Variants in KIF26B observed in about 807,000 individuals in gnomAD.
KIF26B encodes kinesin-like protein KIF26B.
KIF26B carries 63 observed loss-of-function variants against 151.2 expected under a neutral mutation model. The ratio of observed to expected loss-of-function variants is 0.42; its 90% CI spans 0.34 to 0.51. The LOEUF is 0.51. Among genes scored for constraint, KIF26B ranks in the 20% least tolerant of loss-of-function variants. The pLI, the probability that KIF26B is intolerant of heterozygous loss-of-function variation, is 0.07. For synonymous variants in KIF26B, 1,357 were observed against 1,262.1 expected (o/e 1.08, Z -1.59); for missense variants, 2,813 against 2,913.6 (o/e 0.97, Z 0.79).
chr1:245,524,816 A>C (rs928410541), intron 4 of KIF26B, among the ~76,000 whole-genome samples: 3 of 151,746 alleles, frequency 2.0e-5, no homozygotes, highest in Non-Finnish European at 4.4e-5. Flanking sequence ...TACTTCTTCC[A>C]CCCCTATTTA....
At chr1:245,548,465 T>C (rs1661801495) in intron 5 of KIF26B, among the ~76,000 whole-genome samples, 1 of 151,670 alleles carries the variant, frequency 6.6e-6, no homozygotes, top group Admixed American at 6.6e-5. Flanking sequence ...TGTCCCAGGG[T>C]TTTACATCAG....
At chr1:245,359,445 T>C (rs954446359) in intron 2 of KIF26B, among the ~76,000 whole-genome samples, 3 of 152,192 alleles carry the variant, frequency 2.0e-5, no homozygotes, top group Non-Finnish European at 2.9e-5. Flanking sequence ...TTAGTCACTC[T>C]TGTGGGAGAA....
intron 3 of KIF26B, among the ~76,000 whole-genome samples, chr1:245,386,483 G>A (rs145635182): frequency 1.8e-4 from 27 of 152,246 alleles, no homozygotes; most frequent in Admixed American, 6.5e-4. Flanking sequence ...TGGGGTCAGG[G>A]CTGGAGGGCT....
At chr1:245,432,791 T>G (rs1658812678) in intron 4 of KIF26B, among the ~76,000 whole-genome samples, 1 of 152,188 alleles carries the variant, frequency 6.6e-6, no homozygotes, top group African/African-American at 2.4e-5. Flanking sequence ...GTCTATCAGC[T>G]GTATAAGAAA....
chr1:245,295,736 T>C lies in KIF26B; in HGVS notation c.466-71098T>C, dbSNP rs117601600. 2.4e-3 allele frequency among the ~76,000 whole-genome samples: 372 copies of C among 152,344 alleles called. 5 individuals carry two copies. The East Asian group carries it at 0.048, about 20-fold the overall frequency. ...AATATTACTTTTCATGGACTAGAACTAATTGGAAGTAAGATATCCTGTAAG... is the reference window on the plus strand; with the variant it reads ...AATATTACTTTTCATGGACTAGAACCAATTGGAAGTAAGATATCCTGTAAG... On this transcript the variant is annotated intron_variant, in intron 2 of 14. Coordinates refer to ENST00000407071, the MANE Select transcript of KIF26B (RefSeq NM_018012.4).
In KIF26B at chr1:245,155,070, G is replaced by A. The variant is rs1038548707; in HGVS notation, c.-355G>A. 1.3e-5 allele frequency: 6 copies of A among 472,626 alleles called. No individual in the cohort carries two copies. The highest frequency in any genetic ancestry group is 5.1e-4 in the Middle Eastern group (1 of 1,946). 29.3% of individuals were successfully genotyped at this position (472,626 alleles called of 1,614,324 possible). ...CTTCCCGGCAGCGGCCGCGAGCCCT[G>A]ATTGTATCCCTCGCTTTCCTCGTGG... is the stretch of plus-strand genomic sequence containing the variant. On this transcript the variant is annotated 5_prime_UTR_variant, in exon 1 of 15. Coordinates refer to ENST00000407071, the MANE Select transcript of KIF26B (RefSeq NM_018012.4).
intron 2 of KIF26B, among the ~76,000 whole-genome samples, chr1:245,331,529 A>G (rs1284634467): frequency 6.6e-6 from 1 of 152,120 alleles, no homozygotes; most frequent in African/African-American, 2.4e-5. Context: ...CCTGTGGTGG[A>G]CACCTTTGTG....
intron 4 of KIF26B, among the ~76,000 whole-genome samples, chr1:245,433,666 AATC>A (rs1011303691): frequency 2.6e-5 from 4 of 152,204 alleles, no homozygotes; most frequent in African/African-American, 9.7e-5. Flanking sequence ...CATTTCTGAT[AATC>A]ATCTATCATT....
chr1:245,185,016 C>T (rs1668975926), intron 2 of KIF26B, among the ~76,000 whole-genome samples: 1 of 152,192 alleles, frequency 6.6e-6, no homozygotes, highest in Non-Finnish European at 1.5e-5. Flanking sequence ...CCTAGACATC[C>T]AAATCCATAG....
Position 245,407,820 on chromosome 1 carries a change from G to A in KIF26B, c.1000-11759G>A, listed in dbSNP as rs566986407. Among the ~76,000 whole-genome samples the A allele has an allele frequency of 3.3e-5, 5 of 152,240 alleles. No individual in the cohort carries two copies. In the South Asian group the frequency reaches 8.3e-4, roughly 25 times the overall value. Reference sequence around the variant, plus strand: ...AAGGAGAACAGACACAGTCCCTAAGGTCCTAAGGTTGACTATTTACTTGGG... The same window carrying A: ...AAGGAGAACAGACACAGTCCCTAAGATCCTAAGGTTGACTATTTACTTGGG... On this transcript the variant is annotated intron_variant, in intron 3 of 14. Transcript: ENST00000407071.
chr1:245,176,999 C>G (rs79843942), intron 2 of KIF26B, among the ~76,000 whole-genome samples: 4 of 152,028 alleles, frequency 2.6e-5, no homozygotes, highest in Non-Finnish European at 4.4e-5. Flanking sequence ...TCTGTCGCCT[C>G]GACTGGAGTG....
intron 4 of KIF26B, among the ~76,000 whole-genome samples, chr1:245,492,508 A>G (rs1199810595): frequency 6.6e-6 from 1 of 152,242 alleles, no homozygotes; most frequent in Non-Finnish European, 1.5e-5. Context: ...AAATTGGGCT[A>G]AAACAAAGCC....
intron 4 of KIF26B, among the ~76,000 whole-genome samples, chr1:245,425,865 GCA>G (rs1297420922): frequency 6.6e-6 from 1 of 152,186 alleles, no homozygotes; most frequent in African/African-American, 2.4e-5. Context: ...GCGTTGGTGA[GCA>G]CAGAGACTTC....
chr1:245,246,639 C>T (rs1271701722), intron 2 of KIF26B, among the ~76,000 whole-genome samples: 4 of 152,166 alleles, frequency 2.6e-5, no homozygotes, highest in African/African-American at 4.8e-5. Flanking sequence ...AAGACAGACA[C>T]CCACACACCC....
intron 4 of KIF26B, among the ~76,000 whole-genome samples, chr1:245,423,744 G>A (rs1768102): frequency 0.12 from 19,002 of 152,184 alleles, 1,529 homozygotes; most frequent in African/African-American, 0.22. Context: ...CTGGATAAAT[G>A]TTGGTGTTCA....
intron 2 of KIF26B, among the ~76,000 whole-genome samples, chr1:245,190,634 G>GT (rs149338802): frequency 0.24 from 24,951 of 106,098 alleles, 2,429 homozygotes; most frequent in Admixed American, 0.3. Flanking sequence ...TGAATGTTTT[G>GT]TTTTGTTTTT....
At chr1:245,175,343 CTAAGAATGGAGCTTCAATT>C (rs1452615747) in intron 2 of KIF26B, among the ~76,000 whole-genome samples, 1 of 151,976 alleles carries the variant, frequency 6.6e-6, no homozygotes, top group African/African-American at 2.4e-5. Context: ...CTGGGAAAAT[CTAAGAATGGAGCTTCAATT>C]TCTAGAGATG....
intron 9 of KIF26B, among the ~76,000 whole-genome samples, chr1:245,629,268 A>G (rs1032935684): frequency 5.3e-5 from 8 of 152,324 alleles, no homozygotes; most frequent in African/African-American, 1.9e-4. Flanking sequence ...ATGAAACCAA[A>G]AAAGAGCCCA....
chr1:245,181,206 CTTCT>C (rs1423948535), intron 2 of KIF26B, among the ~76,000 whole-genome samples: 2 of 152,150 alleles, frequency 1.3e-5, no homozygotes, highest in African/African-American at 4.8e-5. Flanking sequence ...ATTTCCCCCC[CTTCT>C]TTCTTGCTCC....
Sources: allele counts gnomAD v4.1 joint callset (sites outside exome capture counted in the v4.1 genomes callset), GRCh38; gene constraint gnomAD v4.1.1; transcripts MANE v1.5; gene names NCBI Gene and HGNC (gene_info 2026-07-23, HGNC 2026-07-21).